LRTM3: variants seen among roughly 807,000 people sequenced by gnomAD.
The protein encoded by LRTM3 is leucine-rich repeat transmembrane protein 3.
At chr13:102,736,087 T>C in the LRTM3 span, 1 of 1,541,826 alleles carries the variant, frequency 6.5e-7, no homozygotes, top group Non-Finnish European at 8.8e-7. Flanking sequence ...TTGCTTTTAG[T>C]ATTACTTTAT....
At chr13:102,733,755 C>T in the LRTM3 span, 5 of 1,551,312 alleles carry the variant, frequency 3.2e-6, no homozygotes, top group Non-Finnish European at 4.4e-6. Context: ...TGATTCAAAT[C>T]TTCTTCTGAC....
At chr13:102,747,854 C>A in the LRTM3 span, 1 of 1,551,314 alleles carries the variant, frequency 6.4e-7, no homozygotes, top group Non-Finnish European at 8.7e-7. Flanking sequence ...GGCTTTACTA[C>A]TTCCTGAACT....
chr13:102,740,497 C>A, the LRTM3 span: 2 of 1,549,916 alleles, frequency 1.3e-6, no homozygotes, highest in Non-Finnish European at 1.7e-6. Flanking sequence ...CCCAAAAGTT[C>A]TCATAGGAAA....
At chr13:102,737,519 CCTT>C in the LRTM3 span, 1 of 1,550,458 alleles carries the variant, frequency 6.4e-7, no homozygotes. Context: ...TTGCTCCTCA[CCTT>C]CTCCGTCCTC....
chr13:102,732,078 G>A, the LRTM3 span: 2 of 1,551,398 alleles, frequency 1.3e-6, no homozygotes, highest in Non-Finnish European at 1.7e-6. Context: ...AAGGGCTGGG[G>A]ATCTTGTGGA....
At chr13:102,741,259 A>G in the LRTM3 span, 2 of 1,550,306 alleles carry the variant, frequency 1.3e-6, no homozygotes, top group South Asian at 2.4e-5. Flanking sequence ...TTTCATTGAA[A>G]CTTTCAGAGA....
the LRTM3 span, chr13:102,736,014 T>G: frequency 6.5e-7 from 1 of 1,549,892 alleles, no homozygotes; most frequent in Non-Finnish European, 8.7e-7. Context: ...TTGGGGAGTA[T>G]TCTACCTTCC....
chr13:102,747,625 A>G, the LRTM3 span: 3 of 1,551,194 alleles, frequency 1.9e-6, no homozygotes, highest in Non-Finnish European at 8.7e-7. Flanking sequence ...CAAATGGGAC[A>G]CTATACTCTG....
At chr13:102,744,179 A>C in the LRTM3 span, 1 of 1,550,532 alleles carries the variant, frequency 6.4e-7, no homozygotes, top group Non-Finnish European at 8.7e-7. Context: ...AGAATATCTT[A>C]TGATATTAAA....
chr13:102,738,229 T>C, the LRTM3 span: 2 of 1,550,984 alleles, frequency 1.3e-6, no homozygotes, highest in South Asian at 2.4e-5. Flanking sequence ...CTTCATCGTC[T>C]TCTTTCTGTT....
the LRTM3 span, chr13:102,742,279 C>A: frequency 6.5e-7 from 1 of 1,550,208 alleles, no homozygotes; most frequent in East Asian, 2.4e-5. Context: ...TTTTTGCCTT[C>A]AATTTTATCT....
the LRTM3 span, chr13:102,743,480 T>C: frequency 1.9e-6 from 3 of 1,549,144 alleles, no homozygotes. Context: ...ACTGATTTTA[T>C]GTATCTGTGA....
chr13:102,746,984 T>C, the LRTM3 span: 1 of 1,551,224 alleles, frequency 6.4e-7, no homozygotes, highest in Non-Finnish European at 8.7e-7. Flanking sequence ...TGGGATTGGT[T>C]GATGCATTTC....
the LRTM3 span, chr13:102,748,213 T>C: frequency 6.4e-7 from 1 of 1,551,196 alleles, no homozygotes; most frequent in Non-Finnish European, 8.7e-7. Flanking sequence ...GCATATTTGT[T>C]ATGTTACTTC....
At chr13:102,742,191 T>A in the LRTM3 span, 33 of 1,550,438 alleles carry the variant, frequency 2.1e-5, no homozygotes, top group Non-Finnish European at 2.6e-6. Context: ...TGGAATGACT[T>A]CTGCTGCTGG....
the LRTM3 span, chr13:102,736,402 G>A: frequency 1.9e-6 from 3 of 1,551,056 alleles, no homozygotes; most frequent in Non-Finnish European, 2.6e-6. Flanking sequence ...GGCCATGCAT[G>A]GATACTGTTT....
chr13:102,731,218 G>C, the LRTM3 span: 1 of 1,551,214 alleles, frequency 6.4e-7, no homozygotes, highest in Non-Finnish European at 8.7e-7. Context: ...TCTTCATATT[G>C]CTGGCAAGAG....
At chr13:102,733,663 G>A in the LRTM3 span, 25 of 1,551,186 alleles carry the variant, frequency 1.6e-5, no homozygotes, top group South Asian at 2.9e-4. Context: ...TCCCTGTAAA[G>A]AGCCATTCCG....
chr13:102,748,153 G>A, the LRTM3 span: 13 of 1,550,830 alleles, frequency 8.4e-6, no homozygotes, highest in Non-Finnish European at 1.1e-5. Flanking sequence ...GTTGAGAAAT[G>A]GTAGTGTAAG....
Sources: gnomAD v4.1 joint callset for allele counts on GRCh38, gnomAD v4.1.1 for gene constraint, MANE v1.5 for transcripts, NCBI Gene and HGNC (gene_info 2026-07-23, HGNC 2026-07-21) for gene names.